LSM3: variants seen among roughly 807,000 people sequenced by gnomAD.
The protein encoded by LSM3 is LSM3 homolog, U6 small nuclear RNA and mRNA degradation associated.
In LSM3, 14 loss-of-function variants were observed where a neutral mutation model predicts 15.4. The ratio of observed to expected loss-of-function variants is 0.91; its 90% CI spans 0.60 to 1.42. The LOEUF (loss-of-function observed/expected upper bound fraction) is 1.42. LSM3 is among the 40% of genes most tolerant of loss of function. LSM3 has a pLI of 0.00. For synonymous variants in LSM3, 46 were observed against 45.1 expected, an observed-to-expected ratio of 1.02 and a Z score of -0.08; for missense variants, 88 against 127.9, an observed-to-expected ratio of 0.69 and a Z score of 1.50.
chr3:14,194,204 T>C (rs1454516661), intron 3 of LSM3, among the ~76,000 whole-genome samples: 4 of 152,146 alleles, frequency 2.6e-5, no homozygotes, highest in African/African-American at 9.7e-5. Context: ...CGGCCCCAAC[T>C]GGGAGCTGAC....
intron 3 of LSM3, among the ~76,000 whole-genome samples, chr3:14,186,680 A>AT (rs572101444): frequency 9.7e-4 from 147 of 152,086 alleles, no homozygotes; most frequent in African/African-American, 3.4e-3. Context: ...TAAAATCTGC[A>AT]TTTTTTCCCC....
In LSM3 at chr3:14,198,156, T is replaced by C. The variant is rs756642141; in HGVS notation, c.*40T>C. The C allele has an allele frequency of 2.8e-6, 4 of 1,422,616 alleles. No homozygotes were observed. Among genetic ancestry groups the C allele is most frequent in the South Asian group, 1.2e-5 (1 of 86,490 alleles). The allele number at this position is 1,422,616 out of a possible 1,614,324, so 88.1% of individuals were successfully genotyped here. A position where few individuals can be genotyped will look rare whatever the true frequency, so the allele number is the denominator to read the frequency against. On this transcript the variant is annotated 3_prime_UTR_variant, in exon 4 of 4. Transcript: ENST00000306024. ...CCTGTATGGAAAACGGGAGACTTTG[T>C]ACAGTGGCCTCTCTAAAAGTACAAA...
At position 14,183,959 on chromosome 3, in the gene LSM3, T is replaced by C. The variant is rs1397999570; in HGVS notation, c.155T>C (p.Met52Thr). 5 of 1,607,870 alleles carry C rather than the reference T, an allele frequency of 3.1e-6. No homozygotes were observed. The highest frequency in any genetic ancestry group is 4.2e-6 in the Non-Finnish European group (5 of 1,178,292). Reference protein sequence around the residue: ...RLHAYDQHLNMILGDVEETVT... With the variant: ...RLHAYDQHLNTILGDVEETVT... Reference sequence around the variant, plus strand: ...TAGGCTTATGATCAACATTTAAATATGATCTTGGGAGATGTGGAAGAAACT... The same window carrying C: ...TAGGCTTATGATCAACATTTAAATACGATCTTGGGAGATGTGGAAGAAACT... Residue 52 changes from methionine (M) to threonine (T), a missense_variant, in exon 3 of 4, where the codon ATG (methionine) becomes ACG (threonine). Transcript: ENST00000306024.
chr3:14,182,394 C>T (rs888603342), intron 2 of LSM3, among the ~76,000 whole-genome samples: 12 of 148,548 alleles, frequency 8.1e-5, no homozygotes, highest in South Asian at 2.1e-4. Context: ...ATTTAATTTT[C>T]GTTTATTCTT....
intron 3 of LSM3, among the ~76,000 whole-genome samples, chr3:14,191,882 A>C (rs1458740093): frequency 6.6e-6 from 1 of 151,986 alleles, no homozygotes; most frequent in Non-Finnish European, 1.5e-5. Flanking sequence ...TAGGGTGTCA[A>C]TTTTAGATCT....
chr3:14,193,864 G>C (rs1697164040), intron 3 of LSM3, among the ~76,000 whole-genome samples: 1 of 152,156 alleles, frequency 6.6e-6, no homozygotes, highest in Non-Finnish European at 1.5e-5. Context: ...AGGCGTTCGT[G>C]TTTTTGGAAT....
rs1188765762 is a variant in LSM3 at position 14,181,591 on chromosome 3, T to C, written c.53T>C (p.Leu18Pro). ...ACTACCAACACTGTAGAGGAGCCCC[T>C]GGATCTTATCAGGCTCAGCCTAGAT... is the stretch of plus-strand genomic sequence containing the variant. The part of the protein sequence containing the change: ...QQTTNTVEEP[L>P]DLIRLSLDER... The change falls in exon 2 of 4, where the codon CTG becomes CCG. Residue 18 changes from leucine (L) to proline (P), a missense_variant. Transcript: ENST00000306024. 3.7e-6 allele frequency: 6 copies of C among 1,613,824 alleles called. No homozygotes were observed. The highest frequency in any genetic ancestry group is 2.2e-5 in the South Asian group (2 of 91,074).
intron 3 of LSM3, among the ~76,000 whole-genome samples, chr3:14,185,006 G>T (rs1418558633): frequency 6.6e-6 from 1 of 151,892 alleles, no homozygotes; most frequent in African/African-American, 2.4e-5. Context: ...GCAGTGAGCT[G>T]AGATTGTGCC....
intron 3 of LSM3, among the ~76,000 whole-genome samples, chr3:14,185,416 A>G (rs767536942): frequency 1.3e-5 from 2 of 152,220 alleles, no homozygotes; most frequent in Non-Finnish European, 2.9e-5. Flanking sequence ...ATTTTTATGA[A>G]CAATAACTAT....
intron 3 of LSM3, among the ~76,000 whole-genome samples, chr3:14,195,091 A>G (rs935232886): frequency 6.6e-6 from 1 of 152,178 alleles, no homozygotes; most frequent in Admixed American, 6.5e-5. Flanking sequence ...TAATTATTCT[A>G]CGTAGGTTTC....
rs778461046 is a variant in LSM3 at position 14,178,887 on chromosome 3, T to C, written c.21+6T>C. On this transcript the variant is annotated splice_donor_region_variant and intron_variant, in intron 1 of 3. Coordinates refer to ENST00000306024, the MANE Select transcript of LSM3 (RefSeq NM_014463.3). Reference sequence around the variant, plus strand: ...TGGCGGACGACGTAGACCAGGTAAGTGTATTTTAAGGAGGTCGCTCGAAGG... The same window carrying C: ...TGGCGGACGACGTAGACCAGGTAAGCGTATTTTAAGGAGGTCGCTCGAAGG... The C allele has an allele frequency of 6.2e-6, 10 of 1,613,922 alleles. No homozygotes were observed. Among genetic ancestry groups the C allele is most frequent in the Non-Finnish European group, 8.5e-6 (10 of 1,179,966 alleles).
intron 1 of LSM3, among the ~76,000 whole-genome samples, chr3:14,179,487 C>A (rs1696991113): frequency 6.6e-6 from 1 of 152,216 alleles, no homozygotes; most frequent in African/African-American, 2.4e-5. Context: ...CTTTGGAGAT[C>A]ATGCCACAAC....
intron 1 of LSM3, among the ~76,000 whole-genome samples, chr3:14,181,311 C>T (rs908931517): frequency 2.0e-5 from 3 of 152,164 alleles, no homozygotes; most frequent in Non-Finnish European, 4.4e-5. Flanking sequence ...TGTAACTTCT[C>T]ATGTATGTGT....
At chr3:14,194,868 T>C (rs1697174126) in intron 3 of LSM3, among the ~76,000 whole-genome samples, 1 of 150,390 alleles carries the variant, frequency 6.6e-6, no homozygotes, top group Admixed American at 6.7e-5. Flanking sequence ...TTCTCAGGAA[T>C]TATTTATCTG....
intron 3 of LSM3, among the ~76,000 whole-genome samples, chr3:14,196,793 G>C (rs924934450): frequency 3.3e-5 from 5 of 152,226 alleles, no homozygotes; most frequent in Non-Finnish European, 7.3e-5. Context: ...GACGCAAATA[G>C]TCAAAGGTTT....
rs377587184 is a variant in LSM3 at position 14,178,836 on chromosome 3, C to T, written c.-25C>T. The T allele has an allele frequency of 1.9e-6, 3 of 1,614,152 alleles. No individual in the cohort carries two copies. The highest frequency in any genetic ancestry group is 2.2e-5 in the East Asian group (1 of 44,884). Reference sequence around the variant, plus strand: ...GTTGCTCTTGTGTTCTCGCGAGAGGCGGGAAAGGGCGCAGGGTTTGAAACA... The same window carrying T: ...GTTGCTCTTGTGTTCTCGCGAGAGGTGGGAAAGGGCGCAGGGTTTGAAACA... On this transcript the variant is annotated 5_prime_UTR_variant, in exon 1 of 4. Transcript: ENST00000306024.
intron 3 of LSM3, among the ~76,000 whole-genome samples, chr3:14,189,064 G>T (rs1370543003): frequency 6.6e-6 from 1 of 152,100 alleles, no homozygotes; most frequent in African/African-American, 2.4e-5. Context: ...TTGGTTTTCT[G>T]ATCTTGTGAT....
chr3:14,182,145 A>C (rs1229018028), intron 2 of LSM3, among the ~76,000 whole-genome samples: 1 of 152,216 alleles, frequency 6.6e-6, no homozygotes, highest in Non-Finnish European at 1.5e-5. Flanking sequence ...ACTTGAGGCC[A>C]GGAGTTCTCT....
intron 3 of LSM3, among the ~76,000 whole-genome samples, chr3:14,192,203 A>G (rs894503634): frequency 6.6e-6 from 1 of 152,206 alleles, no homozygotes; most frequent in Non-Finnish European, 1.5e-5. Context: ...ACTTCCAATT[A>G]TGTGGTCAAT....
Sources: allele counts gnomAD v4.1 joint callset (sites outside exome capture counted in the v4.1 genomes callset), GRCh38; gene constraint gnomAD v4.1.1; transcripts MANE v1.5; gene names NCBI Gene and HGNC (gene_info 2026-07-23, HGNC 2026-07-21).